SLC4A4: variants seen among roughly 807,000 people sequenced by gnomAD.
The protein encoded by SLC4A4 is electrogenic sodium bicarbonate cotransporter 1.
A neutral mutation model predicts 111.5 loss-of-function variants in SLC4A4; 27 were observed. The ratio of observed to expected loss-of-function variants is 0.24; its 90% CI spans 0.18 to 0.33. The LOEUF is 0.33. Ranked by LOEUF, SLC4A4 falls within the 10% of genes least tolerant of loss-of-function variation. The pLI, the probability that SLC4A4 is intolerant of heterozygous loss-of-function variation, is 1.00. For missense variants in SLC4A4, 909 were observed against 1,315.5 expected, an observed-to-expected ratio of 0.69 and a Z score of 4.78; for synonymous variants, 443 against 463.4, an observed-to-expected ratio of 0.96 and a Z score of 0.57.
intron 12 of SLC4A4, among the ~76,000 whole-genome samples, chr4:71,458,133 G>A (rs1346865806): frequency 6.6e-6 from 1 of 151,942 alleles, no homozygotes; most frequent in Non-Finnish European, 1.5e-5. Context: ...CTTAATTCAT[G>A]TAGCTACTTC....
At chr4:71,471,875 A>C (rs1249321799) in intron 13 of SLC4A4, among the ~76,000 whole-genome samples, 1 of 151,950 alleles carries the variant, frequency 6.6e-6, no homozygotes, top group Non-Finnish European at 1.5e-5. Context: ...TGTTGGTCGC[A>C]AGATGCTTCA....
intron 7 of SLC4A4, among the ~76,000 whole-genome samples, chr4:71,410,946 T>C (rs190381626): frequency 3.1e-4 from 47 of 152,336 alleles, no homozygotes; most frequent in African/African-American, 1.1e-3. Context: ...TTGTGATTTT[T>C]TAAGCTGAGA....
chr4:71,302,955 A>G (rs1474069754), intron 3 of SLC4A4, among the ~76,000 whole-genome samples: 1 of 152,124 alleles, frequency 6.6e-6, no homozygotes, highest in African/African-American at 2.4e-5. Context: ...AGACTTTTTC[A>G]CTTTTTGTAG....
At chr4:71,482,972 A>G (rs2149125495) in intron 14 of SLC4A4, among the ~76,000 whole-genome samples, 1 of 151,800 alleles carries the variant, frequency 6.6e-6, no homozygotes, top group Non-Finnish European at 1.5e-5. Flanking sequence ...AAATGGGTAT[A>G]AAAGTATACC....
intron 23 of SLC4A4, among the ~76,000 whole-genome samples, chr4:71,562,000 T>G (rs996529816): frequency 3.3e-5 from 5 of 151,824 alleles, no homozygotes; most frequent in Non-Finnish European, 7.4e-5. Flanking sequence ...GGAGAATGTT[T>G]TAAATGTACT....
rs1724522974 is a variant in SLC4A4, at chr4:71,293,291, C to T, written c.253+37892C>T. 2.7e-5 allele frequency among the ~76,000 whole-genome samples: 4 copies of T among 149,702 alleles called. No individual in the cohort carries two copies. The South Asian group carries it at 6.4e-4, about 24-fold the overall frequency. On this transcript the variant is annotated intron_variant, in intron 3 of 25. Transcript: ENST00000264485. ...ATAAAATCCAGAAGGAGGCTGGGTG[C>T]GGTGGCTCACGCCTGTAATCCCAGC...
chr4:71,142,904 G>T (rs1744048064), intron 2 of SLC4A4, among the ~76,000 whole-genome samples: 1 of 151,162 alleles, frequency 6.6e-6, no homozygotes, highest in Admixed American at 6.6e-5. Context: ...GAACTATTTG[G>T]CACTTTATGT....
At chr4:71,106,100 A>C (rs1408289263) in intron 2 of SLC4A4, among the ~76,000 whole-genome samples, 1 of 150,448 alleles carries the variant, frequency 6.6e-6, no homozygotes, top group African/African-American at 2.4e-5. Flanking sequence ...ACCCCATCAA[A>C]AAGTGGGCGA....
chr4:71,493,103 T>A (rs1215636442), intron 15 of SLC4A4, among the ~76,000 whole-genome samples: 1 of 151,990 alleles, frequency 6.6e-6, no homozygotes, highest in Non-Finnish European at 1.5e-5. Flanking sequence ...ATTTTCTAGA[T>A]GTGACTGTTA....
intron 6 of SLC4A4, among the ~76,000 whole-genome samples, chr4:71,378,320 G>A (rs533178998): frequency 6.6e-6 from 1 of 152,250 alleles, no homozygotes; most frequent in East Asian, 1.9e-4. Flanking sequence ...TGCTCTTCTT[G>A]GCAAGGCTGA....
At chr4:71,116,947 A>G (rs2148954543) in intron 2 of SLC4A4, among the ~76,000 whole-genome samples, 1 of 151,972 alleles carries the variant, frequency 6.6e-6, no homozygotes. Flanking sequence ...CCATCTCAAA[A>G]AAAAAAAAAA....
At chr4:71,227,559 G>A (rs552220887) in intron 1 of SLC4A4, among the ~76,000 whole-genome samples, 2 of 152,310 alleles carry the variant, frequency 1.3e-5, no homozygotes, top group East Asian at 1.9e-4. Context: ...GCTTTCAGCT[G>A]TAGATATTCC....
At chr4:71,372,961 A>AT (rs1364615324) in intron 6 of SLC4A4, among the ~76,000 whole-genome samples, 4 of 151,954 alleles carry the variant, frequency 2.6e-5, no homozygotes, top group African/African-American at 4.8e-5. Flanking sequence ...GTAAGTGGAC[A>AT]TTTTTTTGCT....
At chr4:71,147,556 A>G (rs73826353) in intron 2 of SLC4A4, among the ~76,000 whole-genome samples, 2,343 of 152,248 alleles carry the variant, frequency 0.015, 51 homozygotes, top group African/African-American at 0.049. Context: ...CCAGTGCTCT[A>G]TGATGGAGTA....
chr4:71,216,013 A>G (rs569993934), intron 1 of SLC4A4, among the ~76,000 whole-genome samples: 5 of 151,734 alleles, frequency 3.3e-5, no homozygotes, highest in African/African-American at 9.7e-5. Flanking sequence ...GATTCAAGCA[A>G]TTCTCCTGTC....
At chr4:71,546,253 T>A in intron 18 of SLC4A4, 97 bp from the exon 19 acceptor site, 1 of 1,062,292 alleles carries the variant, frequency 9.4e-7, no homozygotes. Flanking sequence ...GCAAAGCAAG[T>A]CAGTTTCCTT....
chr4:71,496,915 T>C (rs1730464258), intron 15 of SLC4A4, among the ~76,000 whole-genome samples: 1 of 152,130 alleles, frequency 6.6e-6, no homozygotes, highest in Non-Finnish European at 1.5e-5. Flanking sequence ...AAATCTATAC[T>C]TTATTAGAAT....
Position 71,543,469 on chromosome 4 carries a change from C to T in SLC4A4, c.2443-2881C>T, listed in dbSNP as rs192190106. ...TTATCTATCTGTAATTATTTTATCC[C>T]AGAACCTTTGTTTATTCTGATGGTT... is the stretch of plus-strand genomic sequence containing the variant. On this transcript the variant is annotated intron_variant, in intron 18 of 25. Transcript: ENST00000264485. Among the ~76,000 whole-genome samples, 184 of 152,140 alleles carry T rather than the reference C, an allele frequency of 1.2e-3. 1 individual carries two copies. The highest frequency in any genetic ancestry group is 4.1e-3 in the African/African-American group (171 of 41,532).
intron 2 of SLC4A4, among the ~76,000 whole-genome samples, chr4:71,125,872 A>G (rs1258385811): frequency 6.6e-6 from 1 of 152,214 alleles, no homozygotes; most frequent in African/African-American, 2.4e-5. Context: ...AGAATAAGAA[A>G]TCACAACAGA....
Sources: gnomAD v4.1 joint callset for allele counts (sites outside exome capture counted in the v4.1 genomes callset) on GRCh38, gnomAD v4.1.1 for gene constraint, MANE v1.5 for transcripts, NCBI Gene and HGNC (gene_info 2026-07-23, HGNC 2026-07-21) for gene names.